Variants in PDE12 observed in about 807,000 individuals in gnomAD.
The protein encoded by PDE12 is phosphodiesterase 12.
In PDE12, 26 loss-of-function variants were observed where a neutral mutation model predicts 45.4. That is an observed-to-expected ratio of 0.57 (90% CI 0.42 to 0.79). The LOEUF is 0.79. Ranked by LOEUF, PDE12 falls within the 30% of genes least tolerant of loss-of-function variation. PDE12 has a pLI of 0.00. For missense variants in PDE12, 668 were observed against 790.0 expected, an observed-to-expected ratio of 0.85 and a Z score of 1.85; for synonymous variants, 283 against 323.9, an observed-to-expected ratio of 0.87 and a Z score of 1.36.
downstream of PDE12, among the ~76,000 whole-genome samples, chr3:57,569,504 C>T (rs752771290): frequency 6.6e-5 from 10 of 152,090 alleles, no homozygotes; most frequent in Non-Finnish European, 1.3e-4. Context: ...AGGCATGCAC[C>T]ACCATGCATG....
At chr3:57,618,811 T>C in the PDE12 span, among the ~76,000 whole-genome samples, 3,124 of 151,848 alleles carry the variant, frequency 0.021, 107 homozygotes, top group African/African-American at 0.071. Context: ...TTTCACCATG[T>C]TGCCCAGGCT....
At chr3:57,617,372 C>T in the PDE12 span, among the ~76,000 whole-genome samples, 1 of 152,220 alleles carries the variant, frequency 6.6e-6, no homozygotes, top group South Asian at 2.1e-4. Flanking sequence ...CCACTGCACT[C>T]CAGCCTGGGT....
the PDE12 span, among the ~76,000 whole-genome samples, chr3:57,578,128 A>C: frequency 6.6e-6 from 1 of 152,170 alleles, no homozygotes; most frequent in Non-Finnish European, 1.5e-5. Flanking sequence ...AGAGTAATAA[A>C]AGGGGGGTGG....
chr3:57,591,938 T>C, the PDE12 span, among the ~76,000 whole-genome samples: 2 of 152,140 alleles, frequency 1.3e-5, no homozygotes, highest in African/African-American at 4.8e-5. Context: ...GGTATCAGGT[T>C]TCTTTGAGGG....
chr3:57,628,797 T>G, the PDE12 span: 1 of 1,606,686 alleles, frequency 6.2e-7, no homozygotes, highest in South Asian at 1.1e-5. Context: ...TCTTTGGCTG[T>G]TTTGGCTACA....
the PDE12 span, chr3:57,597,197 C>A: frequency 6.6e-7 from 1 of 1,518,470 alleles, no homozygotes. Context: ...CGACCCCGTG[C>A]TTTCTCCTTT....
chr3:57,573,889 T>C, the PDE12 span, among the ~76,000 whole-genome samples: 1 of 149,854 alleles, frequency 6.7e-6, no homozygotes. Flanking sequence ...GCCCAGTTTA[T>C]GTTCTTCAAA....
At chr3:57,589,776 A>G in the PDE12 span, among the ~76,000 whole-genome samples, 1 of 151,654 alleles carries the variant, frequency 6.6e-6, no homozygotes, top group Admixed American at 6.6e-5. Flanking sequence ...TGGCAGCAAG[A>G]AATACTTACA....
the PDE12 span, among the ~76,000 whole-genome samples, chr3:57,603,040 G>A: frequency 6.6e-5 from 10 of 151,772 alleles, no homozygotes; most frequent in African/African-American, 1.9e-4. Flanking sequence ...GGTGGCGGGC[G>A]CCTGTAATCC....
At chr3:57,612,305 T>G in the PDE12 span, among the ~76,000 whole-genome samples, 2 of 151,392 alleles carry the variant, frequency 1.3e-5, no homozygotes, top group East Asian at 2.0e-4. Flanking sequence ...ACAAGTTAAT[T>G]GGTGCAGCAC....
the PDE12 span, among the ~76,000 whole-genome samples, chr3:57,585,850 C>T: frequency 4.6e-5 from 7 of 152,016 alleles, no homozygotes; most frequent in South Asian, 1.0e-3. Context: ...TTAGTAGAGA[C>T]GGGGTTTCAC....
chr3:57,633,861 A>C, the PDE12 span, among the ~76,000 whole-genome samples: 1 of 152,048 alleles, frequency 6.6e-6, no homozygotes, highest in Non-Finnish European at 1.5e-5. Flanking sequence ...ATTGCACTCC[A>C]GCCTGGGCAA....
chr3:57,600,593 T>G, the PDE12 span: 1 of 151,860 alleles, frequency 6.6e-6, no homozygotes. Context: ...GAGTTGGCGT[T>G]TTGTAGAGAC....
rs2069709209 is a variant in PDE12 at position 57,559,919 on chromosome 3, A to G, written c.1745A>G (p.Glu582Gly). The change falls in exon 3 of 3, where the codon GAA becomes GGA. Residue 582 changes from glutamate (E) to glycine (G), a missense_variant. This residue lies in a region of PDE12 where 79 missense variants were observed against 97.9 expected (regional missense o/e 0.81). Transcript: ENST00000311180. Reference sequence around the variant, plus strand: ...CAGGTGATTCCATTACCTAGTCATGAAGAAGTTACCACCCACCAGGCCTTA... The same window carrying G: ...CAGGTGATTCCATTACCTAGTCATGGAGAAGTTACCACCCACCAGGCCTTA... ...VEQVIPLPSHEEVTTHQALPS... is the reference protein window; with the variant it reads ...VEQVIPLPSHGEVTTHQALPS... 6.2e-7 allele frequency: 1 copy of G among 1,613,950 alleles called. No individual in the cohort carries two copies. The highest frequency in any genetic ancestry group is 1.1e-5 in the South Asian group (1 of 91,088).
downstream of PDE12, among the ~76,000 whole-genome samples, chr3:57,569,596 T>C (rs1217141565): frequency 2.0e-5 from 3 of 152,002 alleles, no homozygotes; most frequent in Non-Finnish European, 4.4e-5. Context: ...CCTCAGGTGA[T>C]CCACCTGCCT....
Position 57,556,947 on chromosome 3 carries a change from C to T in PDE12, c.568C>T (p.Pro190Ser), listed in dbSNP as rs766947663. The T allele has an allele frequency of 1.9e-6, 3 of 1,614,076 alleles. No individual in the cohort carries two copies. In the African/African-American group the frequency reaches 4.0e-5, roughly 22 times the overall value. Residue 190 changes from proline to serine, a missense_variant, in exon 1 of 3, where the codon CCC becomes TCC. Coordinates refer to ENST00000311180, the MANE Select transcript of PDE12 (RefSeq NM_177966.7). This position sits in a 1 kb window ranked among gnomAD's most constrained non-coding sequence, Gnocchi z 5.0. The stretch of plus-strand genomic sequence containing the variant: ...CAAACTCAGCCTCGAATTTGGGGAT[C>T]CCGCCAGCTCCCTTTTCCGCTGGTA... ...CPKLSLEFGD[P>S]ASSLFRWYKE...
At chr3:57,575,989 T>C in the PDE12 span, among the ~76,000 whole-genome samples, 1 of 152,150 alleles carries the variant, frequency 6.6e-6, no homozygotes, top group East Asian at 1.9e-4. Flanking sequence ...AAGAAATACA[T>C]GTGGGAATAA....
the PDE12 span, among the ~76,000 whole-genome samples, chr3:57,595,358 CA>C: frequency 2.0e-5 from 3 of 152,198 alleles, no homozygotes; most frequent in Non-Finnish European, 4.4e-5. Context: ...ATTCATTTAT[CA>C]CAGTCCGAAG....
chr3:57,638,444 G>A, the PDE12 span, among the ~76,000 whole-genome samples: 1 of 151,744 alleles, frequency 6.6e-6, no homozygotes. Context: ...GATCACCTGA[G>A]GTCAGGAGTT....
Sources: gnomAD v4.1 joint callset for allele counts (sites outside exome capture counted in the v4.1 genomes callset) on GRCh38, gnomAD v4.1.1 for gene constraint, gnomAD v4.1.1 regional missense constraint, Gnocchi (gnomAD v3.1) non-coding constraint, MANE v1.5 for transcripts, NCBI Gene and HGNC (gene_info 2026-07-23, HGNC 2026-07-21) for gene names.